The following APBB2 variants were observed in gnomAD, a reference collection of about 807,000 sequenced individuals.
APBB2 encodes the protein Fe65-like 1.
In APBB2, 38 loss-of-function variants were observed where a neutral mutation model predicts 82.5. The observed-to-expected ratio is 0.46, with a 90% CI of 0.36 to 0.60. The LOEUF (loss-of-function observed/expected upper bound fraction) is 0.60. Among genes scored for constraint, APBB2 ranks in the 20% least tolerant of loss-of-function variants. The pLI, the probability that APBB2 is intolerant of heterozygous loss-of-function variation, is 0.00. For synonymous variants in APBB2, 341 were observed against 368.2 expected (o/e 0.93, Z 0.85); for missense variants, 772 against 972.3 (o/e 0.79, Z 2.74).
At chr4:40,823,218 A>G (rs1178465883) in intron 16 of APBB2, among the ~76,000 whole-genome samples, 2 of 152,204 alleles carry the variant, frequency 1.3e-5, no homozygotes, top group Non-Finnish European at 2.9e-5. Context: ...ATTTGGGCTG[A>G]GGCTAATGTG....
At chr4:41,197,272 T>C in intron 1 of APBB2, among the ~76,000 whole-genome samples, 42 of 152,316 alleles carry the variant, frequency 2.8e-4, no homozygotes, top group African/African-American at 9.6e-4. Flanking sequence ...CAAGAGAGTA[T>C]ATGGGCTCAG....
At chr4:40,824,140 T>C (rs1406345785) in intron 15 of APBB2, among the ~76,000 whole-genome samples, 1 of 152,032 alleles carries the variant, frequency 6.6e-6, no homozygotes, top group Non-Finnish European at 1.5e-5. Context: ...CAAGTATCAG[T>C]GAGACTCTGT....
At chr4:41,120,006 G>A (rs796785778) in intron 2 of APBB2, among the ~76,000 whole-genome samples, 19 of 152,242 alleles carry the variant, frequency 1.2e-4, no homozygotes, top group African/African-American at 3.9e-4. Flanking sequence ...TAAAAATACC[G>A]TGATATGGGT....
intron 12 of APBB2, among the ~76,000 whole-genome samples, chr4:40,842,022 A>G (rs1331139598): frequency 6.6e-6 from 1 of 152,242 alleles, no homozygotes; most frequent in African/African-American, 2.4e-5. Flanking sequence ...CTCCTTCTAC[A>G]ACATGGCACA....
At chr4:41,144,093 A>C (rs1760012488) in intron 1 of APBB2, among the ~76,000 whole-genome samples, 1 of 152,262 alleles carries the variant, frequency 6.6e-6, no homozygotes. Context: ...TCATTTGTTA[A>C]TTATAGTAAC....
chr4:40,922,714 C>T (rs961177409), intron 10 of APBB2, among the ~76,000 whole-genome samples: 8 of 151,882 alleles, frequency 5.3e-5, no homozygotes, highest in Non-Finnish European at 1.2e-4. Context: ...AGGCTCAAGT[C>T]GTCTTCCCAC....
chr4:41,100,112 A>G (rs556460441), intron 3 of APBB2, among the ~76,000 whole-genome samples: 1 of 152,332 alleles, frequency 6.6e-6, no homozygotes, highest in South Asian at 2.1e-4. Context: ...AAATTCTAAA[A>G]TAAAACTGGG....
intron 12 of APBB2, among the ~76,000 whole-genome samples, chr4:40,853,035 T>C (rs1241055857): frequency 6.6e-6 from 1 of 152,228 alleles, no homozygotes; most frequent in Non-Finnish European, 1.5e-5. Flanking sequence ...TCTATTAGCA[T>C]GTATTTTCTA....
chr4:40,883,447 C>T (rs1769270767), intron 12 of APBB2, among the ~76,000 whole-genome samples: 1 of 152,078 alleles, frequency 6.6e-6, no homozygotes, highest in African/African-American at 2.4e-5. Flanking sequence ...ATTAGCTGGG[C>T]ATGGTGGCGC....
At chr4:41,068,856 C>T (rs370561578) in intron 3 of APBB2, among the ~76,000 whole-genome samples, 22 of 127,670 alleles carry the variant, frequency 1.7e-4, no homozygotes, top group African/African-American at 5.8e-4. Flanking sequence ...AGTGCAGTGG[C>T]GTGATCTCAG....
chr4:41,042,886 A>C (rs987970909), intron 4 of APBB2, among the ~76,000 whole-genome samples: 1 of 152,216 alleles, frequency 6.6e-6, no homozygotes. Context: ...ATGCAGCATT[A>C]ATTGTGGCAA....
At chr4:40,966,665 G>A (rs930012781) in intron 6 of APBB2, among the ~76,000 whole-genome samples, 3 of 152,182 alleles carry the variant, frequency 2.0e-5, no homozygotes, top group Non-Finnish European at 4.4e-5. Context: ...GGGCATGTGC[G>A]TGCTTGAGGC....
chr4:40,819,176 C>CTTTTTTTTTTTTTTCTT (rs1188181954), intron 17 of APBB2, among the ~76,000 whole-genome samples: 6 of 135,230 alleles, frequency 4.4e-5, no homozygotes, highest in Non-Finnish European at 7.8e-5. Flanking sequence ...CCTTGGCTCT[C>CTTTTTTTTTTTTTTCTT]TTTTTTTTTT....
At chr4:40,987,867 T>C (rs1800801134) in intron 6 of APBB2, among the ~76,000 whole-genome samples, 1 of 152,164 alleles carries the variant, frequency 6.6e-6, no homozygotes, top group Admixed American at 6.5e-5. Flanking sequence ...AGAAGGGAAT[T>C]AGAAAGGAGA....
chr4:40,899,963 G>C (rs966343328), intron 10 of APBB2, among the ~76,000 whole-genome samples: 1 of 152,222 alleles, frequency 6.6e-6, no homozygotes, highest in Non-Finnish European at 1.5e-5. Flanking sequence ...GGTAAAATGA[G>C]CTCATGTCCA....
At chr4:41,197,041 A>C in intron 1 of APBB2, among the ~76,000 whole-genome samples, 1 of 152,212 alleles carries the variant, frequency 6.6e-6, no homozygotes, top group East Asian at 1.9e-4. Context: ...AACTATCTTT[A>C]AATTGATCAC....
At chr4:40,833,870 T>A (rs1188276242) in intron 12 of APBB2, among the ~76,000 whole-genome samples, 2 of 152,272 alleles carry the variant, frequency 1.3e-5, no homozygotes, top group African/African-American at 2.4e-5. Context: ...ACACGGCGGA[T>A]GAACAGGTCC....
At chr4:41,013,038 TA>T (rs1808838215) in intron 6 of APBB2, among the ~76,000 whole-genome samples, 1 of 152,222 alleles carries the variant, frequency 6.6e-6, no homozygotes, top group African/African-American at 2.4e-5. Flanking sequence ...TTCCCACTTT[TA>T]AATATTACTT....
intron 10 of APBB2, among the ~76,000 whole-genome samples, chr4:40,907,367 ATATATATATATATTTTTTT>A (rs1215618382): frequency 4.5e-4 from 32 of 71,612 alleles, no homozygotes; most frequent in Middle Eastern, 6.8e-3. Context: ...ATATATATAT[ATATATATATATATTTTTTT>A]TTTTTTTTTT....
Sources: allele counts gnomAD v4.1 joint callset (sites outside exome capture counted in the v4.1 genomes callset), GRCh38; gene constraint gnomAD v4.1.1; transcripts MANE v1.5; gene names NCBI Gene and HGNC (gene_info 2026-07-23, HGNC 2026-07-21).